PKD1L3: variants seen among roughly 807,000 people sequenced by gnomAD.
PKD1L3 encodes the protein polycystin-1-like protein 3.
A neutral mutation model predicts 184.1 loss-of-function variants in PKD1L3; 239 were observed. That is an observed-to-expected ratio of 1.30 (90% CI 1.17 to 1.45). The LOEUF is 1.45. Ranked by LOEUF, PKD1L3 falls within the 40% of genes most tolerant of loss-of-function variation. The pLI is 0.00. For synonymous variants in PKD1L3, 996 were observed against 778.8 expected (o/e 1.28, Z -4.64); for missense variants, 2,660 against 2,067.2 (o/e 1.29, Z -5.56).
At chr16:71,932,580 TCTC>T (rs1209621096) in intron 28 of PKD1L3, among the ~76,000 whole-genome samples, 2 of 152,066 alleles carry the variant, frequency 1.3e-5, no homozygotes, top group East Asian at 1.9e-4. Flanking sequence ...TTAAGGCAAT[TCTC>T]CTGCATCAAC....
chr16:71,964,837 C>CTA (rs1222936604), intron 15 of PKD1L3, among the ~76,000 whole-genome samples: 3 of 148,570 alleles, frequency 2.0e-5, no homozygotes, highest in Non-Finnish European at 3.0e-5. Context: ...TGCTCTCTCT[C>CTA]TATATATATG....
At chr16:71,997,783 A>ATAAG (rs1441006728) in intron 2 of PKD1L3, among the ~76,000 whole-genome samples, 1 of 151,886 alleles carries the variant, frequency 6.6e-6, no homozygotes, top group East Asian at 1.9e-4. Flanking sequence ...AAATAAATAA[A>ATAAG]TAAATACAAC....
At chr16:71,973,947 A>G (rs541601331) in intron 11 of PKD1L3, among the ~76,000 whole-genome samples, 3 of 151,904 alleles carry the variant, frequency 2.0e-5, no homozygotes, top group African/African-American at 7.2e-5. Flanking sequence ...AGTTGCAGTG[A>G]GCCGAAATCG....
chr16:71,952,863 A>G, intron 18 of PKD1L3, 31 bp downstream of exon 18: 3 of 1,470,854 alleles, frequency 2.0e-6, no homozygotes, highest in African/African-American at 2.8e-5. Context: ...GCAATAAAAT[A>G]AGATAAAATA....
intron 18 of PKD1L3, 60 bp from the exon 19 acceptor site, chr16:71,951,804 C>G: frequency 6.9e-7 from 1 of 1,448,400 alleles, no homozygotes; most frequent in Non-Finnish European, 9.3e-7. Context: ...GGATTTGTAC[C>G]AATTACAGGT....
In PKD1L3 at chr16:71,993,204, G is replaced by A. The variant is rs751420123; in HGVS notation, c.535+12C>T. On this transcript the variant is annotated intron_variant, in intron 3 of 29. Transcript: ENST00000620267. ...ACGGATTTTTAAGGTTACTAGAGGAGTAACGCATTACCTGGGGGCATTTTG... is the reference window on the plus strand; with the variant it reads ...ACGGATTTTTAAGGTTACTAGAGGAATAACGCATTACCTGGGGGCATTTTG... 1.3e-6 allele frequency: 2 copies of A among 1,511,846 alleles called. No individual in the cohort carries two copies. The highest frequency in any genetic ancestry group is 2.5e-5 in the South Asian group (2 of 81,536). The allele number at this position is 1,511,846 out of a possible 1,614,324, so 93.7% of individuals were successfully genotyped here. A position where few individuals can be genotyped will look rare whatever the true frequency, so the allele number is the denominator to read the frequency against.
At position 71,995,229 on chromosome 16, in the gene PKD1L3, CT is replaced by C. The variant is rs148020318; in HGVS notation, c.419-1898del. Among the ~76,000 whole-genome samples, 1,425 of 152,174 alleles carry C rather than the reference CT, an allele frequency of 9.4e-3. 38 individuals are homozygous for C. In the East Asian group the frequency reaches 0.11, roughly 12 times the overall value. The stretch of plus-strand genomic sequence containing the variant: ...CTGCCAAGTCCTTTTATAAGGGCCC[CT>C]AATCCCATTCACAAGGGAGGAGCCC... On this transcript the variant is annotated intron_variant, in intron 2 of 29. Coordinates refer to ENST00000620267, the MANE Select transcript of PKD1L3 (RefSeq NM_181536.2).
At chr16:71,953,363 A>G (rs1597311621) in intron 17 of PKD1L3, among the ~76,000 whole-genome samples, 2 of 148,506 alleles carry the variant, frequency 1.3e-5, no homozygotes, top group Admixed American at 6.8e-5. Context: ...TCACACTGCT[A>G]TAAAGAACTA....
Position 71,953,056 on chromosome 16 carries a change from G to A in PKD1L3, c.2847C>T (p.Val949=), listed in dbSNP as rs2143399469. 1.3e-6 allele frequency: 2 copies of A among 1,535,146 alleles called. No homozygotes were observed. Among genetic ancestry groups the A allele is most frequent in the Middle Eastern group, 1.7e-4 (1 of 5,962 alleles). ...AGAGGATGACAGCAGTATGGATGCT[G>A]ACCAGCAGTTCAGACCAGGCCACAG... ...PFAVAWSELL[V]SIHTAVILFP... is the part of the protein sequence containing the mutation. Residue 949 remains valine, a synonymous_variant, in exon 18 of 30, where the codon GTC becomes GTT. Transcript: ENST00000620267.
chr16:71,979,760 C>G, intron 9 of PKD1L3, 26 bp downstream of exon 9: 1 of 1,473,510 alleles, frequency 6.8e-7, no homozygotes, highest in Non-Finnish European at 9.0e-7. Flanking sequence ...CATTTTCATT[C>G]TGATCACAAT....
At chr16:71,949,653 T>C in intron 21 of PKD1L3, 130 bp downstream of exon 21, 1 of 849,780 alleles carries the variant, frequency 1.2e-6, no homozygotes, top group Middle Eastern at 3.6e-4. Flanking sequence ...ACACCCAGCC[T>C]GGTTTGCCTA....
Position 71,940,581 on chromosome 16 carries a change from C to G in PKD1L3, c.4324+1979G>C, listed in dbSNP as rs554745525. Among the ~76,000 whole-genome samples, 96 of 152,102 alleles carry G rather than the reference C, an allele frequency of 6.3e-4. 2 individuals are homozygous for G. The highest frequency in any genetic ancestry group is 5.8e-3 in the South Asian group (28 of 4,806). On this transcript the variant is annotated intron_variant, in intron 24 of 29. Coordinates refer to ENST00000620267, the MANE Select transcript of PKD1L3 (RefSeq NM_181536.2). The stretch of plus-strand genomic sequence containing the variant: ...GTGGCACGATCTCAGCTCACTGCAA[C>G]CTCCGCCTCCTGGGTTCAAGCAATT...
intron 4 of PKD1L3, among the ~76,000 whole-genome samples, chr16:71,986,916 T>TTG (rs2040392626): frequency 2.7e-5 from 1 of 37,512 alleles, no homozygotes; most frequent in African/African-American, 5.4e-5. Context: ...AGGAGAGGAT[T>TTG]TTTTTTTTTT....
At chr16:71,956,184 A>ATTTTTTTTTTTT (rs35268514) in intron 16 of PKD1L3, among the ~76,000 whole-genome samples, 3 of 82,766 alleles carry the variant, frequency 3.6e-5, no homozygotes, top group East Asian at 4.8e-4. Context: ...AAAGGAAGGA[A>ATTTTTTTTTTTT]TTTTTTTTTT....
At position 71,944,026 on chromosome 16, in the gene PKD1L3, A is replaced by C; in HGVS notation, c.3859+4T>G. On this transcript the variant is annotated splice_donor_region_variant and intron_variant, in intron 23 of 29. Coordinates refer to ENST00000620267, the MANE Select transcript of PKD1L3 (RefSeq NM_181536.2). Reference sequence around the variant, plus strand: ...ATCAGTATGTTGCCATTTCCTCTCCATACCCAAAATATCTCCAGTCAGCTT... The same window carrying C: ...ATCAGTATGTTGCCATTTCCTCTCCCTACCCAAAATATCTCCAGTCAGCTT... 6.4e-7 allele frequency: 1 copy of C among 1,550,698 alleles called. No individual in the cohort carries two copies. Among genetic ancestry groups the C allele is most frequent in the Non-Finnish European group, 8.7e-7 (1 of 1,146,764 alleles).
chr16:71,978,558 GAGAA>G (rs2040026353), intron 9 of PKD1L3, among the ~76,000 whole-genome samples, 175 bp from the exon 10 acceptor site: 1 of 54,330 alleles, frequency 1.8e-5, no homozygotes, highest in African/African-American at 8.3e-5. Flanking sequence ...TTTTTTTTTT[GAGAA>G]AGAGTCACAC....
In PKD1L3 at chr16:71,974,094, A is replaced by G. The variant is rs545092064; in HGVS notation, c.1760-577T>C. 4.5e-4 allele frequency among the ~76,000 whole-genome samples: 68 copies of G among 152,348 alleles called. 1 individual carries two copies. The highest frequency in any genetic ancestry group is 1.6e-3 in the African/African-American group (68 of 41,590). Reference sequence around the variant, plus strand: ...AGAATGTATTACGAGGTTTAGAAAAATGAAATGAGCACATATCTAAGTTAG... The same window carrying G: ...AGAATGTATTACGAGGTTTAGAAAAGTGAAATGAGCACATATCTAAGTTAG... On this transcript the variant is annotated intron_variant, in intron 11 of 29. Coordinates refer to ENST00000620267, the MANE Select transcript of PKD1L3 (RefSeq NM_181536.2).
In PKD1L3 at chr16:71,967,279, C is replaced by A; in HGVS notation, c.2323G>T (p.Glu775Ter). The A allele has an allele frequency of 6.4e-7, 1 of 1,551,606 alleles. No homozygotes were observed. The highest frequency in any genetic ancestry group is 8.7e-7 in the Non-Finnish European group (1 of 1,146,920). Reference sequence around the variant, plus strand: ...TGGGGGTCACAGAGGTGATGGGGCTCACTCCGTCCCTCTGATCCATAGAGG... The same window carrying A: ...TGGGGGTCACAGAGGTGATGGGGCTAACTCCGTCCCTCTGATCCATAGAGG... Reference protein sequence around the residue: ...ITLYGSEGRSEPHHLCDPQKT... With the variant: ...ITLYGSEGRS Residue 775 changes from glutamate to a stop codon, truncating the protein, a stop_gained, in exon 15 of 30, where the codon GAG becomes TAG. Transcript: ENST00000620267. LOFTEE classifies it high-confidence loss of function.
intron 16 of PKD1L3, 147 bp from the exon 17 acceptor site, chr16:71,954,448 A>G (rs2038970196): frequency 3.7e-6 from 2 of 543,510 alleles, no homozygotes. Flanking sequence ...AGATATTTTA[A>G]TTCTTTTTTT....
Sources: gnomAD v4.1 joint callset for allele counts (sites outside exome capture counted in the v4.1 genomes callset) on GRCh38, gnomAD v4.1.1 for gene constraint, MANE v1.5 for transcripts, NCBI Gene and HGNC (gene_info 2026-07-23, HGNC 2026-07-21) for gene names.